The following WDR72 variants were observed in gnomAD, a reference collection of about 807,000 sequenced individuals.
WDR72 encodes WD repeat domain 72.
Under a neutral mutation model 124.2 loss-of-function variants are expected in WDR72, and 120 were observed. The ratio of observed to expected loss-of-function variants is 0.97; its 90% CI spans 0.83 to 1.12. The LOEUF (loss-of-function observed/expected upper bound fraction) is 1.12, where lower values mean the gene tolerates loss of function less well. Among genes scored for constraint, WDR72 ranks in the 50% most tolerant of loss-of-function variants. The pLI is 0.00. For missense variants in WDR72, 1,387 were observed against 1,278.8 expected (o/e 1.08, Z -1.29); for synonymous variants, 452 against 441.7 (o/e 1.02, Z -0.29).
At chr15:53,723,768 T>C (rs1372062110) in intron 2 of WDR72, among the ~76,000 whole-genome samples, 2 of 152,232 alleles carry the variant, frequency 1.3e-5, no homozygotes, top group Non-Finnish European at 2.9e-5. Context: ...TTATAATACC[T>C]AATACAATAT....
chr15:53,580,014 G>A (rs118175116), intron 18 of WDR72, among the ~76,000 whole-genome samples: 1,887 of 152,050 alleles, frequency 0.012, 15 homozygotes, highest in Non-Finnish European at 0.02. Flanking sequence ...GACCCCTCAC[G>A]TGGCTGGTAC....
At chr15:53,611,439 T>C (rs979493259) in intron 16 of WDR72, among the ~76,000 whole-genome samples, 3 of 152,036 alleles carry the variant, frequency 2.0e-5, no homozygotes, top group African/African-American at 7.2e-5. Flanking sequence ...GAAACACTTA[T>C]ATTAAATCTT....
intron 13 of WDR72, among the ~76,000 whole-genome samples, chr15:53,668,713 G>A (rs991738961): frequency 6.6e-6 from 1 of 151,852 alleles, no homozygotes; most frequent in African/African-American, 2.4e-5. Context: ...AGACCAGCCT[G>A]GGCAACATTG....
intron 18 of WDR72, among the ~76,000 whole-genome samples, chr15:53,549,575 C>T (rs1893639665): frequency 6.6e-6 from 1 of 152,072 alleles, no homozygotes; most frequent in South Asian, 2.1e-4. Flanking sequence ...AAAAATGGAC[C>T]TGCTTCAAAA....
intron 1 of WDR72, 127 bp downstream of exon 1, chr15:53,759,506 G>C (rs1454215300): frequency 1.3e-5 from 2 of 152,266 alleles, no homozygotes; most frequent in African/African-American, 2.4e-5. Flanking sequence ...ATCCAAGCGC[G>C]GGCCGTCCCC....
intron 2 of WDR72, among the ~76,000 whole-genome samples, chr15:53,723,697 A>G (rs2017941349): frequency 6.6e-6 from 1 of 152,230 alleles, no homozygotes; most frequent in Non-Finnish European, 1.5e-5. Context: ...TCTGCAATAT[A>G]AAAGTATTGG....
intron 5 of WDR72, among the ~76,000 whole-genome samples, chr15:53,714,785 A>C (rs2017657285): frequency 6.6e-6 from 1 of 152,190 alleles, no homozygotes. Flanking sequence ...TTTCGGAAGT[A>C]AGTGAGGCGC....
At chr15:53,705,829 C>G in intron 10 of WDR72, 98 bp downstream of exon 10, 1 of 1,451,390 alleles carries the variant, frequency 6.9e-7, no homozygotes, top group African/African-American at 1.4e-5. Flanking sequence ...ATAAATTTTT[C>G]TTGTTTGTGG....
chr15:53,640,622 T>C (rs918958312), intron 14 of WDR72, among the ~76,000 whole-genome samples: 9 of 152,170 alleles, frequency 5.9e-5, no homozygotes, highest in Non-Finnish European at 1.3e-4. Flanking sequence ...ATTGGCTAAA[T>C]TGTGAGGCTG....
In WDR72 at chr15:53,671,306, C is replaced by T. The variant is rs543442185; in HGVS notation, c.1766-5538G>A. The stretch of plus-strand genomic sequence containing the variant: ...TTCCTGCTAGCTCTAGCACATCCTT[C>T]AGGTATTAGCTTAAAATCTCACCTC... On this transcript the variant is annotated intron_variant, in intron 13 of 19. Coordinates refer to ENST00000360509, the MANE Select transcript of WDR72 (RefSeq NM_182758.4). Among the ~76,000 whole-genome samples, 17 of 152,312 alleles carry T rather than the reference C, an allele frequency of 1.1e-4. No individual in the cohort carries two copies. The South Asian group carries it at 3.3e-3, about 30-fold the overall frequency.
intron 14 of WDR72, among the ~76,000 whole-genome samples, chr15:53,638,991 A>G (rs1403859994): frequency 1.3e-5 from 2 of 151,872 alleles, no homozygotes; most frequent in Non-Finnish European, 2.9e-5. Flanking sequence ...CAAGAAAAAA[A>G]GAAAAAAAAA....
intron 14 of WDR72, among the ~76,000 whole-genome samples, chr15:53,620,339 AAATAT>A (rs1300634286): frequency 2.0e-5 from 3 of 152,034 alleles, no homozygotes; most frequent in African/African-American, 7.2e-5. Context: ...AAATTTTTAA[AAATAT>A]AATCCCATTT....
intron 18 of WDR72, among the ~76,000 whole-genome samples, chr15:53,530,815 A>G (rs1482981635): frequency 1.3e-5 from 2 of 152,102 alleles, no homozygotes; most frequent in Non-Finnish European, 2.9e-5. Flanking sequence ...ACCAAAAAAC[A>G]TTCCCCTCTT....
intron 13 of WDR72, among the ~76,000 whole-genome samples, chr15:53,677,926 G>T (rs546279646): frequency 2.6e-5 from 4 of 152,266 alleles, no homozygotes; most frequent in African/African-American, 9.6e-5. Context: ...AGAAATGGAA[G>T]ATCAGGAAGA....
At chr15:53,590,762 G>A (rs2012454704) in intron 18 of WDR72, among the ~76,000 whole-genome samples, 1 of 151,986 alleles carries the variant, frequency 6.6e-6, no homozygotes, top group African/African-American at 2.4e-5. Context: ...CAATAAAGTG[G>A]ATATAACAAT....
At chr15:53,647,842 G>A (rs1013527274) in intron 14 of WDR72, among the ~76,000 whole-genome samples, 1 of 152,076 alleles carries the variant, frequency 6.6e-6, no homozygotes, top group South Asian at 2.1e-4. Flanking sequence ...GGACAGACAG[G>A]TGGAAACAAG....
intron 14 of WDR72, among the ~76,000 whole-genome samples, chr15:53,622,173 G>C (rs1361112836): frequency 6.6e-6 from 1 of 151,992 alleles, no homozygotes; most frequent in Non-Finnish European, 1.5e-5. Flanking sequence ...TTACACTATT[G>C]GTGGACATGT....
intron 11 of WDR72, among the ~76,000 whole-genome samples, chr15:53,704,689 CTTT>C (rs66465971): frequency 1.6e-5 from 2 of 123,650 alleles, no homozygotes; most frequent in Non-Finnish European, 3.3e-5. Context: ...CCATGCCCAG[CTTT>C]TTTTTTTTTT....
At chr15:53,653,775 G>A (rs2015323204) in intron 14 of WDR72, among the ~76,000 whole-genome samples, 1 of 152,090 alleles carries the variant, frequency 6.6e-6, no homozygotes, top group African/African-American at 2.4e-5. Context: ...AAGAATATGT[G>A]TAAACCTTAC....
Sources: allele counts gnomAD v4.1 joint callset (sites outside exome capture counted in the v4.1 genomes callset), GRCh38; gene constraint gnomAD v4.1.1; transcripts MANE v1.5; gene names NCBI Gene and HGNC (gene_info 2026-07-23, HGNC 2026-07-21).